PTPRT: variants seen among roughly 807,000 people sequenced by gnomAD.
PTPRT encodes the protein protein tyrosine phosphatase receptor type T.
PTPRT carries 56 observed loss-of-function variants against 176.8 expected under a neutral mutation model. That is an observed-to-expected ratio of 0.32 (90% CI 0.26 to 0.40). The LOEUF (loss-of-function observed/expected upper bound fraction) is 0.40. Ranked by LOEUF, PTPRT falls within the 10% of genes least tolerant of loss-of-function variation. The pLI is 1.00. For missense variants in PTPRT, 1,540 were observed against 1,908.2 expected, an observed-to-expected ratio of 0.81 and a Z score of 3.60; for synonymous variants, 783 against 739.0, an observed-to-expected ratio of 1.06 and a Z score of -0.96.
At chr20:43,052,642 T>C (rs750963460) in intron 1 of PTPRT, among the ~76,000 whole-genome samples, 3 of 152,246 alleles carry the variant, frequency 2.0e-5, no homozygotes, top group Non-Finnish European at 4.4e-5. Flanking sequence ...TATTAAGATA[T>C]AATTCAGATA....
intron 1 of PTPRT, among the ~76,000 whole-genome samples, chr20:43,143,194 C>A (rs1400687830): frequency 1.3e-5 from 2 of 152,148 alleles, no homozygotes; most frequent in Non-Finnish European, 2.9e-5. Flanking sequence ...TTACTCCCAA[C>A]AATCCCCCTA....
At chr20:43,003,880 C>A (rs989733862) in intron 1 of PTPRT, among the ~76,000 whole-genome samples, 2 of 152,106 alleles carry the variant, frequency 1.3e-5, no homozygotes, top group African/African-American at 4.8e-5. Flanking sequence ...TTTATACAGA[C>A]TCAAAAGTCC....
intron 14 of PTPRT, among the ~76,000 whole-genome samples, 178 bp downstream of exon 14, chr20:42,248,509 A>G (rs1175594880): frequency 6.6e-6 from 1 of 152,180 alleles, no homozygotes; most frequent in Admixed American, 6.5e-5. Flanking sequence ...AACAGGCAGC[A>G]TGCACCCTTC....
intron 7 of PTPRT, among the ~76,000 whole-genome samples, chr20:42,538,797 C>G (rs1047081420): frequency 6.6e-6 from 1 of 152,140 alleles, no homozygotes; most frequent in Non-Finnish European, 1.5e-5. Context: ...ACTTCCAGTC[C>G]AGCTAGAACT....
Position 43,096,154 on chromosome 20 carries a change from CCTT to C in PTPRT, c.88+93489_88+93491del, listed in dbSNP as rs1222096316. The stretch of plus-strand genomic sequence containing the variant: ...CTCTTCTCTGCCTCTCCCTGTTCCC[CCTT>C]CTTCTACTCTATCTCCCCGCCTTGC... On this transcript the variant is annotated intron_variant, in intron 1 of 30. Transcript: ENST00000373187. Among the ~76,000 whole-genome samples, 7 of 150,044 alleles carry C rather than the reference CCTT, an allele frequency of 4.7e-5. No homozygotes were observed. In the East Asian group the frequency reaches 8.0e-4, roughly 17 times the overall value.
intron 7 of PTPRT, among the ~76,000 whole-genome samples, chr20:42,503,781 C>T (rs1325230727): frequency 1.3e-5 from 2 of 152,016 alleles, no homozygotes; most frequent in East Asian, 1.9e-4. Flanking sequence ...TCCAAGCATT[C>T]TTCTTATGCC....
chr20:42,328,612 G>A (rs563709396), intron 11 of PTPRT, among the ~76,000 whole-genome samples: 1 of 152,212 alleles, frequency 6.6e-6, no homozygotes, highest in South Asian at 2.1e-4. Flanking sequence ...CATTTTAAAA[G>A]AGTCATAAAG....
At chr20:42,454,052 C>T (rs1460993274) in intron 8 of PTPRT, among the ~76,000 whole-genome samples, 1 of 151,942 alleles carries the variant, frequency 6.6e-6, no homozygotes, top group Non-Finnish European at 1.5e-5. Flanking sequence ...TAAATATATA[C>T]ATATATCCCA....
Position 42,077,292 on chromosome 20 carries a change from C to A in PTPRT, c.*3587G>T, listed in dbSNP as rs17219643. On this transcript the variant is annotated 3_prime_UTR_variant, in exon 31 of 31. Coordinates refer to ENST00000373187, the MANE Select transcript of PTPRT (RefSeq NM_007050.6). ...CCCCTGGTTGGCCCAGATTCTTCAC[C>A]CCAGAAAGGATGCAATGTTGGAGTG... is the stretch of plus-strand genomic sequence containing the variant. 5.3e-6 allele frequency: 1 copy of A among 188,272 alleles called. No individual in the cohort carries two copies. The highest frequency in any genetic ancestry group is 1.9e-4 in the South Asian group (1 of 5,136). The allele number at this position is 188,272 out of a possible 1,614,324, so 11.7% of individuals were successfully genotyped here.
At chr20:43,101,572 A>T (rs181764593) in intron 1 of PTPRT, among the ~76,000 whole-genome samples, 77 of 151,442 alleles carry the variant, frequency 5.1e-4, no homozygotes, top group African/African-American at 1.8e-3. Flanking sequence ...ATACAGCATA[A>T]CTAGCATCAT....
intron 6 of PTPRT, among the ~76,000 whole-genome samples, chr20:42,749,408 C>T (rs903126095): frequency 6.6e-6 from 1 of 152,200 alleles, no homozygotes; most frequent in East Asian, 1.9e-4. Context: ...CCAGACTGCG[C>T]TCATTGTTCC....
Position 42,667,163 on chromosome 20 carries a change from C to T in PTPRT, c.1153+10703G>A, listed in dbSNP as rs149477697. 1.7e-3 allele frequency among the ~76,000 whole-genome samples: 253 copies of T among 152,228 alleles called. 4 individuals carry two copies. Among genetic ancestry groups the T allele is most frequent in the African/African-American group, 5.8e-3 (242 of 41,540 alleles). ...CATCAGTGTATTCCTGGAAAACACC[C>T]AACTGGGCCATGGTGCATTATGCAT... is the stretch of plus-strand genomic sequence containing the variant. On this transcript the variant is annotated intron_variant, in intron 7 of 30. Transcript: ENST00000373187.
At chr20:42,956,280 T>C (rs1023775731) in intron 1 of PTPRT, among the ~76,000 whole-genome samples, 2 of 152,156 alleles carry the variant, frequency 1.3e-5, no homozygotes, top group Non-Finnish European at 2.9e-5. Context: ...AGCAATTGGA[T>C]CATGGGGGTG....
At chr20:42,526,042 G>C (rs1437847882) in intron 7 of PTPRT, among the ~76,000 whole-genome samples, 1 of 151,462 alleles carries the variant, frequency 6.6e-6, no homozygotes, top group African/African-American at 2.4e-5. Context: ...GTAGGCCATT[G>C]ATATGTTTGC....
chr20:42,545,493 C>A (rs767718527), intron 7 of PTPRT, among the ~76,000 whole-genome samples: 1 of 152,084 alleles, frequency 6.6e-6, no homozygotes, highest in Non-Finnish European at 1.5e-5. Context: ...TCCCAGGTAC[C>A]ATTTTGCTCA....
At chr20:43,091,470 TTTC>T (rs869271902) in intron 1 of PTPRT, among the ~76,000 whole-genome samples, 2 of 129,422 alleles carry the variant, frequency 1.5e-5, no homozygotes, top group African/African-American at 7.7e-5. Context: ...CCCCCCTCTC[TTTC>T]TCTCTCTCTC....
chr20:42,386,563 TG>T (rs1258075745), intron 9 of PTPRT, among the ~76,000 whole-genome samples: 1 of 152,160 alleles, frequency 6.6e-6, no homozygotes, highest in Non-Finnish European at 1.5e-5. Context: ...TGCTTGACAT[TG>T]CTTCTATCTT....
At chr20:42,332,527 T>A (rs943089308) in intron 11 of PTPRT, among the ~76,000 whole-genome samples, 1 of 152,164 alleles carries the variant, frequency 6.6e-6, no homozygotes, top group East Asian at 1.9e-4. Flanking sequence ...AATATTTCTG[T>A]GATTGCTTGA....
intron 6 of PTPRT, among the ~76,000 whole-genome samples, chr20:42,707,166 GT>G (rs985277597): frequency 6.6e-6 from 1 of 152,074 alleles, no homozygotes; most frequent in African/African-American, 2.4e-5. Context: ...TCTGTGTGTT[GT>G]TTTTTTGTTT....
Sources: gnomAD v4.1 joint callset for allele counts (sites outside exome capture counted in the v4.1 genomes callset) on GRCh38, gnomAD v4.1.1 for gene constraint, MANE v1.5 for transcripts, NCBI Gene and HGNC (gene_info 2026-07-23, HGNC 2026-07-21) for gene names.